Variants in PREX2 observed in about 807,000 individuals in gnomAD.
PREX2 encodes the protein phosphatidylinositol 3,4,5-trisphosphate-dependent Rac exchanger 2 protein.
PREX2 carries 107 observed loss-of-function variants against 203.2 expected under a neutral mutation model. The ratio of observed to expected loss-of-function variants is 0.53; its 90% CI spans 0.45 to 0.62. The LOEUF is 0.62. PREX2 is among the 20% of genes least tolerant of loss of function. PREX2 has a pLI of 0.00. For synonymous variants in PREX2, 672 were observed against 663.6 expected, an observed-to-expected ratio of 1.01 and a Z score of -0.19; for missense variants, 1,777 against 1,955.9, an observed-to-expected ratio of 0.91 and a Z score of 1.72.
chr8:68,138,553 T>C (rs1212667965), intron 33 of PREX2, 36 bp downstream of exon 33: 1 of 1,013,956 alleles, frequency 9.9e-7, no homozygotes, highest in South Asian at 1.5e-5. Context: ...TTATTTGGCA[T>C]CAAATAATTA....
chr8:67,980,388 T>C (rs1423945242), intron 1 of PREX2, among the ~76,000 whole-genome samples: 1 of 141,590 alleles, frequency 7.1e-6, no homozygotes, highest in African/African-American at 2.4e-5. Context: ...GGTAGACTTT[T>C]GAGCAGCACA....
chr8:68,116,903 G>T (rs140888504), intron 26 of PREX2, among the ~76,000 whole-genome samples: 1 of 152,202 alleles, frequency 6.6e-6, no homozygotes, highest in Admixed American at 6.5e-5. Flanking sequence ...GTCTCCTCAC[G>T]TGAACTTCCT....
intron 1 of PREX2, among the ~76,000 whole-genome samples, chr8:67,972,546 C>T (rs1047658335): frequency 1.3e-5 from 2 of 152,150 alleles, no homozygotes; most frequent in Admixed American, 6.5e-5. Context: ...GAAGGTTCCC[C>T]GTGACTATCT....
At chr8:68,048,542 T>G (rs1369163) in intron 8 of PREX2, among the ~76,000 whole-genome samples, 89,876 of 151,782 alleles carry the variant, frequency 0.59, 28,673 homozygotes, top group African/African-American at 0.84. Context: ...TCTCCCTTTA[T>G]ATATAAATAT....
chr8:68,140,752 T>C (rs894845056), intron 33 of PREX2, among the ~76,000 whole-genome samples: 1 of 152,200 alleles, frequency 6.6e-6, no homozygotes. Flanking sequence ...AGATAATGTA[T>C]TTGAAAGACT....
In PREX2 at chr8:68,053,239, G is replaced by A; in HGVS notation, c.1086G>A (p.Arg362=). 2 of 1,613,574 alleles carry A rather than the reference G, an allele frequency of 1.2e-6. No homozygotes were observed. Residue 362 remains arginine, a synonymous_variant, in exon 9 of 40, where the codon CGG becomes CGA. Transcript: ENST00000288368. ...WFEAILKERE[R]RKGLKLGMEQ... is the part of the protein sequence containing the mutation. Reference sequence around the variant, plus strand: ...AAGCTATTTTGAAAGAAAGAGAACGGCGGAAAGGTGGGTGTATGAATTGGG... The same window carrying A: ...AAGCTATTTTGAAAGAAAGAGAACGACGGAAAGGTGGGTGTATGAATTGGG...
At chr8:68,063,436 C>T (rs1234851119) in intron 11 of PREX2, among the ~76,000 whole-genome samples, 1 of 151,998 alleles carries the variant, frequency 6.6e-6, no homozygotes, top group Non-Finnish European at 1.5e-5. Context: ...ACAAGGTGAC[C>T]CTGGGAGCCA....
Position 68,077,449 on chromosome 8 carries a change from A to G in PREX2, c.1622A>G (p.Asp541Gly). 2 of 1,613,110 alleles carry G rather than the reference A, an allele frequency of 1.2e-6. No individual in the cohort carries two copies. Among genetic ancestry groups the G allele is most frequent in the Non-Finnish European group, 8.5e-7 (1 of 1,179,082 alleles). The part of the protein sequence containing the change: ...EAMIFGVGLC[D>G]NGFMHHVLEK... ...ATGATATTTGGCGTTGGACTCTGTG[A>G]CAATGGATTTATGCACCATGGTAGG... The change falls in exon 15 of 40, where the codon GAC becomes GGC. Residue 541 changes from aspartate to glycine, a missense_variant. Physicochemically the swap from Asp to Gly is moderately conservative, Grantham distance 94. Transcript: ENST00000288368.
intron 20 of PREX2, 109 bp downstream of exon 20, chr8:68,090,824 A>G: frequency 1.4e-6 from 1 of 738,430 alleles, no homozygotes; most frequent in African/African-American, 1.7e-5. Flanking sequence ...TTTTAAGTTT[A>G]AAATTAAACA....
In PREX2 at chr8:68,231,999, C is replaced by CA. The variant is rs1813178721; in HGVS notation, c.*622dup. ...GGAGAAGAAAGCTGACTAAGGCCTC[C>CA]AGCAGGACTCACTTTCTTCTAGCTG... On this transcript the variant is annotated 3_prime_UTR_variant, in exon 40 of 40. Transcript: ENST00000288368. 6.6e-6 allele frequency: 1 copy of CA among 152,324 alleles called. No individual in the cohort carries two copies. The allele number at this position is 152,324 out of a possible 1,614,324, so 9.4% of individuals were successfully genotyped here.
intron 4 of PREX2, among the ~76,000 whole-genome samples, chr8:68,025,303 C>T (rs181442170): frequency 3.3e-5 from 5 of 151,884 alleles, no homozygotes; most frequent in Admixed American, 2.6e-4. Context: ...TTTTCTCAGT[C>T]AGCGCTTTGA....
intron 1 of PREX2, 98 bp downstream of exon 1, chr8:67,952,633 G>A (rs1484741373): frequency 6.0e-6 from 9 of 1,498,670 alleles, no homozygotes; most frequent in Non-Finnish European, 8.2e-6. Flanking sequence ...TCTGTGCGGG[G>A]ACCCGGGACG....
At chr8:68,230,287 G>A (rs539230189) in intron 39 of PREX2, among the ~76,000 whole-genome samples, 5 of 152,244 alleles carry the variant, frequency 3.3e-5, no homozygotes, top group East Asian at 1.9e-4. Context: ...CAATTTAGTC[G>A]GTAAAAGGGA....
intron 30 of PREX2, among the ~76,000 whole-genome samples, chr8:68,124,714 C>T (rs1810855372): frequency 6.6e-6 from 1 of 152,116 alleles, no homozygotes; most frequent in Non-Finnish European, 1.5e-5. Context: ...AAGAATCTTA[C>T]ATTTTCATTT....
intron 30 of PREX2, among the ~76,000 whole-genome samples, chr8:68,122,949 GC>G (rs1276382965): frequency 6.6e-6 from 1 of 152,064 alleles, no homozygotes; most frequent in Non-Finnish European, 1.5e-5. Flanking sequence ...TAGTGTATGT[GC>G]CATGTGGTGA....
intron 37 of PREX2, among the ~76,000 whole-genome samples, chr8:68,196,719 G>A (rs1014999375): frequency 1.4e-5 from 2 of 144,656 alleles, no homozygotes; most frequent in African/African-American, 5.5e-5. Flanking sequence ...AAGATGTATG[G>A]CACCTCCCCC....
At chr8:68,010,622 C>A (rs1420128429) in intron 1 of PREX2, among the ~76,000 whole-genome samples, 1 of 152,214 alleles carries the variant, frequency 6.6e-6, no homozygotes, top group African/African-American at 2.4e-5. Flanking sequence ...CTCTGTGAGG[C>A]ACATATGATT....
rs1247482872 is a variant in PREX2 at position 68,080,498 on chromosome 8, T to A, written c.1698T>A (p.Asp566Glu). 1.2e-6 allele frequency: 2 copies of A among 1,612,642 alleles called. No individual in the cohort carries two copies. The highest frequency in any genetic ancestry group is 2.2e-5 in the East Asian group (1 of 44,794). The stretch of plus-strand genomic sequence containing the variant: ...CCCTACTTTTCCGTTTTTTTTCGGA[T>A]GAGGAAATGGAGGGATCAAATATGA... ...DEPLLFRFFS[D>E]EEMEGSNMKH... Residue 566 changes from aspartate (D) to glutamate (E), a missense_variant, in exon 16 of 40, where the codon GAT (aspartate) becomes GAA (glutamate). Transcript: ENST00000288368.
intron 31 of PREX2, among the ~76,000 whole-genome samples, chr8:68,133,076 C>A (rs950911541): frequency 1.3e-5 from 2 of 152,084 alleles, no homozygotes; most frequent in African/African-American, 4.8e-5. Flanking sequence ...CCAGGAAGGC[C>A]TCAGAAAACT....
Sources: allele counts gnomAD v4.1 joint callset (sites outside exome capture counted in the v4.1 genomes callset), GRCh38; gene constraint gnomAD v4.1.1; transcripts MANE v1.5; gene names NCBI Gene and HGNC (gene_info 2026-07-23, HGNC 2026-07-21).